The following PPM1E variants were observed in gnomAD, a reference collection of about 807,000 sequenced individuals.
The protein encoded by PPM1E is protein phosphatase 1E.
In PPM1E, 20 loss-of-function variants were observed where a neutral mutation model predicts 65.9. The observed-to-expected ratio is 0.30, with a 90% CI of 0.21 to 0.44. The LOEUF (loss-of-function observed/expected upper bound fraction) is 0.44. PPM1E is among the 20% of genes least tolerant of loss of function. The pLI is 1.00. For synonymous variants in PPM1E, 352 were observed against 374.9 expected (o/e 0.94, Z 0.70); for missense variants, 713 against 953.1 (o/e 0.75, Z 3.32).
At chr17:58,944,517 C>A (rs1281667229) in intron 1 of PPM1E, among the ~76,000 whole-genome samples, 2 of 152,040 alleles carry the variant, frequency 1.3e-5, no homozygotes, top group Admixed American at 1.3e-4. Context: ...CCTAAGCTAC[C>A]ACTACTCTCT....
At chr17:58,860,152 T>A (rs2050923882) in intron 1 of PPM1E, among the ~76,000 whole-genome samples, 1 of 152,186 alleles carries the variant, frequency 6.6e-6, no homozygotes, top group African/African-American at 2.4e-5. Context: ...TAAATGATCT[T>A]AACAGTGGAA....
intron 1 of PPM1E, among the ~76,000 whole-genome samples, chr17:58,777,897 T>G (rs1256073960): frequency 6.6e-6 from 1 of 152,194 alleles, no homozygotes; most frequent in African/African-American, 2.4e-5. Flanking sequence ...ACATTTTTTA[T>G]TGTGGCAAAA....
intron 1 of PPM1E, among the ~76,000 whole-genome samples, chr17:58,767,558 A>G (rs1427170405): frequency 6.6e-6 from 1 of 152,176 alleles, no homozygotes; most frequent in Non-Finnish European, 1.5e-5. Flanking sequence ...AATTTCCCTG[A>G]CACTGGTCTT....
chr17:58,759,144 C>G (rs952536302), intron 1 of PPM1E, among the ~76,000 whole-genome samples: 2 of 152,150 alleles, frequency 1.3e-5, no homozygotes, highest in African/African-American at 4.8e-5. Context: ...TGGTGTGAAC[C>G]TGTAGTCCCA....
chr17:58,806,461 G>A (rs555354734), intron 1 of PPM1E, among the ~76,000 whole-genome samples: 23 of 152,048 alleles, frequency 1.5e-4, no homozygotes, highest in African/African-American at 5.1e-4. Flanking sequence ...AAAACTTAAT[G>A]TGTGAGAGTT....
chr17:58,780,538 G>GT (rs1234540825), intron 1 of PPM1E, among the ~76,000 whole-genome samples: 22 of 152,260 alleles, frequency 1.4e-4, no homozygotes, highest in African/African-American at 4.8e-4. Context: ...GCTTATTGGT[G>GT]TTTTATATTT....
At chr17:58,940,150 A>C (rs1258134042) in intron 1 of PPM1E, among the ~76,000 whole-genome samples, 1 of 152,222 alleles carries the variant, frequency 6.6e-6, no homozygotes, top group Non-Finnish European at 1.5e-5. Context: ...AAGTATTTTA[A>C]GAGAAATGAT....
chr17:58,807,382 A>G (rs1365476239), intron 1 of PPM1E, among the ~76,000 whole-genome samples: 1 of 152,160 alleles, frequency 6.6e-6, no homozygotes, highest in Admixed American at 6.6e-5. Context: ...TGAAATGAAT[A>G]TAATATTTAG....
chr17:58,838,855 AGAAAG>A (rs1267826906), intron 1 of PPM1E, among the ~76,000 whole-genome samples: 1 of 152,246 alleles, frequency 6.6e-6, no homozygotes, highest in Non-Finnish European at 1.5e-5. Flanking sequence ...AGCGATCAAA[AGAAAG>A]GAGATATTAA....
rs535877145 is a variant in PPM1E at position 58,982,086 on chromosome 17, G to A, written c.*1055G>A. 4 of 152,722 alleles carry A rather than the reference G, an allele frequency of 2.6e-5. No homozygotes were observed. The highest frequency in any genetic ancestry group is 2.6e-4 in the Admixed American group (4 of 15,300). The allele number at this position is 152,722 out of a possible 1,614,324, so 9.5% of individuals were successfully genotyped here. On this transcript the variant is annotated 3_prime_UTR_variant, in exon 7 of 7. Coordinates refer to ENST00000308249, the MANE Select transcript of PPM1E (RefSeq NM_014906.5). ...GTAATTGGAATGAAGGAGGCTGAAA[G>A]TATTGTCTAAAGTGAGCCCAGAGGC...
At chr17:58,842,686 C>A (rs943642479) in intron 1 of PPM1E, among the ~76,000 whole-genome samples, 2 of 151,862 alleles carry the variant, frequency 1.3e-5, no homozygotes, top group African/African-American at 4.8e-5. Flanking sequence ...CACCTGTAAT[C>A]CCAGCACTTT....
At chr17:58,918,088 T>G (rs2051705741) in intron 1 of PPM1E, among the ~76,000 whole-genome samples, 1 of 152,208 alleles carries the variant, frequency 6.6e-6, no homozygotes, top group Non-Finnish European at 1.5e-5. Context: ...CCATTTCTTT[T>G]AATTTTTAAA....
chr17:58,803,717 C>G (rs1415459591), intron 1 of PPM1E, among the ~76,000 whole-genome samples: 1 of 152,126 alleles, frequency 6.6e-6, no homozygotes, highest in Non-Finnish European at 1.5e-5. Context: ...TTAGCAGTAA[C>G]CTGTAAGACA....
At chr17:58,811,937 G>A (rs141355885) in intron 1 of PPM1E, among the ~76,000 whole-genome samples, 4 of 152,194 alleles carry the variant, frequency 2.6e-5, no homozygotes, top group African/African-American at 9.6e-5. Flanking sequence ...CCAAAGTGCT[G>A]GGATTACAGG....
intron 1 of PPM1E, among the ~76,000 whole-genome samples, chr17:58,856,303 G>A (rs974751859): frequency 3.9e-5 from 6 of 152,016 alleles, no homozygotes; most frequent in Non-Finnish European, 2.9e-5. Context: ...GCAATGGCGC[G>A]ATCTCTGCTC....
At chr17:58,891,980 C>G (rs914779627) in intron 1 of PPM1E, among the ~76,000 whole-genome samples, 1 of 151,720 alleles carries the variant, frequency 6.6e-6, no homozygotes. Flanking sequence ...GAATCACAGG[C>G]ATGCGCCACC....
In PPM1E at chr17:58,909,924, C is replaced by CTTTTTTTT. The variant is rs35833275; in HGVS notation, c.465-45712_465-45705dup. ...CTTTCTTTCTTTCTTTTTTCTTTTT[C>CTTTTTTTT]TTTTTTTTTTTTTTTTTTTTGAGAC... On this transcript the variant is annotated intron_variant, in intron 1 of 6. Coordinates refer to ENST00000308249, the MANE Select transcript of PPM1E (RefSeq NM_014906.5). Among the ~76,000 whole-genome samples, 284 of 90,012 alleles carry CTTTTTTTT rather than the reference C, an allele frequency of 3.2e-3. 1 individual carries two copies. Among genetic ancestry groups the CTTTTTTTT allele is most frequent in the Admixed American group, 4.2e-3 (30 of 7,126 alleles). 59.1% of individuals were successfully genotyped at this position (90,012 alleles called of 152,430 possible).
chr17:58,933,163 C>T (rs879725705), intron 1 of PPM1E, among the ~76,000 whole-genome samples: 8 of 152,284 alleles, frequency 5.3e-5, no homozygotes, highest in Middle Eastern at 3.4e-3. Flanking sequence ...ATGCTCTTCT[C>T]AGAACGTATC....
intron 1 of PPM1E, among the ~76,000 whole-genome samples, chr17:58,920,585 TAG>T (rs2051738874): frequency 6.6e-6 from 1 of 152,162 alleles, no homozygotes; most frequent in Non-Finnish European, 1.5e-5. Flanking sequence ...AATGGAAAAC[TAG>T]AGTTACTATT....
Sources: gnomAD v4.1 joint callset for allele counts (sites outside exome capture counted in the v4.1 genomes callset) on GRCh38, gnomAD v4.1.1 for gene constraint, MANE v1.5 for transcripts, NCBI Gene and HGNC (gene_info 2026-07-23, HGNC 2026-07-21) for gene names.